The following ZSCAN25 variants were observed in gnomAD, a reference collection of about 807,000 sequenced individuals.
The protein encoded by ZSCAN25 is zinc finger and SCAN domain containing 25, also known as zinc finger and SCAN domain-containing protein 25.
Under a neutral mutation model 38.7 loss-of-function variants are expected in ZSCAN25, and 27 were observed. The ratio of observed to expected loss-of-function variants is 0.70; its 90% confidence interval spans 0.51 to 0.96. The LOEUF (loss-of-function observed/expected upper bound fraction) is 0.96. Among genes scored for constraint, ZSCAN25 ranks in the 40% least tolerant of loss-of-function variants. ZSCAN25 has a pLI of 0.00. For synonymous variants in ZSCAN25, 273 were observed against 277.7 expected, an observed-to-expected ratio of 0.98 and a Z score of 0.17; for missense variants, 637 against 705.9, an observed-to-expected ratio of 0.90 and a Z score of 1.11.
the ZSCAN25 span, among the ~76,000 whole-genome samples, chr7:99,698,674 C>T: frequency 1.1e-4 from 17 of 152,262 alleles, no homozygotes; most frequent in South Asian, 3.5e-3. Flanking sequence ...GCTTTAGACT[C>T]ATATTCCTGA....
chr7:99,717,470 G>C, the ZSCAN25 span: 2 of 1,605,422 alleles, frequency 1.2e-6, no homozygotes, highest in African/African-American at 1.3e-5. Context: ...CTTTCTACCT[G>C]TCCCCACCTG....
chr7:99,638,210 T>C, the ZSCAN25 span: 1 of 1,474,434 alleles, frequency 6.8e-7, no homozygotes, highest in Non-Finnish European at 9.0e-7. Context: ...TTGATTTCTC[T>C]CCTTCCAGGG....
the ZSCAN25 span, among the ~76,000 whole-genome samples, chr7:99,692,839 C>T: frequency 6.6e-6 from 1 of 152,122 alleles, no homozygotes; most frequent in Non-Finnish European, 1.5e-5. Context: ...TGGGTTAGAA[C>T]ATGCTCCTTT....
chr7:99,714,817 T>G, the ZSCAN25 span: 1 of 1,460,378 alleles, frequency 6.8e-7, no homozygotes, highest in Non-Finnish European at 9.1e-7. Flanking sequence ...ATTCCTTCTA[T>G]GACTTTTGCC....
chr7:99,649,103 G>T, the ZSCAN25 span, among the ~76,000 whole-genome samples: 1 of 152,162 alleles, frequency 6.6e-6, no homozygotes, highest in African/African-American at 2.4e-5. Flanking sequence ...AAAGCAAATT[G>T]CCATGGATAC....
At chr7:99,705,734 T>C in the ZSCAN25 span, 31 of 1,019,126 alleles carry the variant, frequency 3.0e-5, no homozygotes, top group Non-Finnish European at 3.0e-5. Context: ...AAATCTTGGA[T>C]TCGTTATACT....
At chr7:99,664,913 T>C in the ZSCAN25 span, among the ~76,000 whole-genome samples, 2 of 152,164 alleles carry the variant, frequency 1.3e-5, no homozygotes, top group Non-Finnish European at 1.5e-5. Context: ...GGCAAATCTA[T>C]AGAGGCAGAA....
the ZSCAN25 span, among the ~76,000 whole-genome samples, chr7:99,664,710 T>A: frequency 6.6e-6 from 1 of 152,276 alleles, no homozygotes; most frequent in African/African-American, 2.4e-5. Flanking sequence ...CTGTAATATC[T>A]AAATTTAAAA....
chr7:99,699,234 A>T, the ZSCAN25 span, among the ~76,000 whole-genome samples: 1 of 152,232 alleles, frequency 6.6e-6, no homozygotes, highest in Non-Finnish European at 1.5e-5. Flanking sequence ...GGGAGGAAAA[A>T]GATTAAAGCA....
intron 6 of ZSCAN25, 146 bp downstream of exon 6, chr7:99,622,786 G>C: frequency 1.4e-6 from 1 of 711,324 alleles, no homozygotes; most frequent in Non-Finnish European, 2.3e-6. Flanking sequence ...CTGATGGTGT[G>C]GTTTCCTCCA....
rs1204727093 is a variant in ZSCAN25 at position 99,624,133 on chromosome 7, A to G, written c.758A>G (p.Asp253Gly). The G allele has an allele frequency of 4.3e-6, 7 of 1,614,040 alleles. No homozygotes were observed. Among genetic ancestry groups the G allele is most frequent in the Non-Finnish European group, 5.9e-6 (7 of 1,179,980 alleles). Residue 253 changes from aspartate to glycine, a missense_variant, in exon 7 of 8, where the codon GAC (aspartate) becomes GGC (glycine). Coordinates refer to ENST00000394152, the MANE Select transcript of ZSCAN25 (RefSeq NM_145115.3). ...AGGCATGTGACCCCAGCCCAGATAGACTGCTTTGGGGAGTATGTGGAACCG... is the reference window on the plus strand; with the variant it reads ...AGGCATGTGACCCCAGCCCAGATAGGCTGCTTTGGGGAGTATGTGGAACCG... The part of the protein sequence containing the change: ...EWRHVTPAQI[D>G]CFGEYVEPQD...
At chr7:99,640,158 C>T in the ZSCAN25 span, among the ~76,000 whole-genome samples, 1 of 152,190 alleles carries the variant, frequency 6.6e-6, no homozygotes, top group Non-Finnish European at 1.5e-5. Flanking sequence ...AAATCTATTT[C>T]TCCTTTATTG....
At chr7:99,636,046 C>CAAAAAA (rs780898445), downstream of ZSCAN25, among the ~76,000 whole-genome samples, 7 of 43,370 alleles carry the variant, frequency 1.6e-4, no homozygotes, top group Middle Eastern at 9.8e-3. Flanking sequence ...GACTCCATCT[C>CAAAAAA]AAAAAAAAAA....
chr7:99,723,251 G>A, the ZSCAN25 span, among the ~76,000 whole-genome samples: 16 of 152,072 alleles, frequency 1.1e-4, no homozygotes, highest in Non-Finnish European at 1.5e-5. Flanking sequence ...TTAACTGATT[G>A]ACCAACCTTA....
chr7:99,680,084 C>T, the ZSCAN25 span: 1 of 594,878 alleles, frequency 1.7e-6, no homozygotes, highest in Non-Finnish European at 3.0e-6. Context: ...TCGCACACAC[C>T]CCTTTGCTGA....
intron 7 of ZSCAN25, among the ~76,000 whole-genome samples, chr7:99,628,259 A>T (rs1807668504): frequency 6.6e-6 from 1 of 152,268 alleles, no homozygotes; most frequent in African/African-American, 2.4e-5. Context: ...TATTTTATCA[A>T]ACCAGGAGGC....
At chr7:99,728,764 AG>A in the ZSCAN25 span, among the ~76,000 whole-genome samples, 2 of 152,222 alleles carry the variant, frequency 1.3e-5, no homozygotes, top group African/African-American at 2.4e-5. Context: ...TTGTAGGGTT[AG>A]GACTTTCTGC....
chr7:99,629,866 G>A lies in ZSCAN25; in HGVS notation c.1481G>A (p.Arg494Gln), dbSNP rs752071323. Residue 494 changes from arginine to glutamine, a missense_variant, in exon 8 of 8, where the codon CGG (arginine) becomes CAG (glutamine). Physicochemically the swap from Arg to Gln is conservative, Grantham distance 43. Transcript: ENST00000394152. This position sits in a 1 kb window ranked among gnomAD's most constrained non-coding sequence, Gnocchi z 5.6. ...KPYGCQVCGK[R>Q]FSKGERLVRH... is the part of the protein sequence containing the mutation. ...TATGGGTGCCAGGTGTGCGGGAAGCGGTTCAGCAAAGGGGAGCGGCTGGTC... is the reference window on the plus strand; with the variant it reads ...TATGGGTGCCAGGTGTGCGGGAAGCAGTTCAGCAAAGGGGAGCGGCTGGTC... 19 of 1,614,138 alleles carry A rather than the reference G, an allele frequency of 1.2e-5. No homozygotes were observed. The highest frequency in any genetic ancestry group is 1.4e-5 in the Non-Finnish European group (17 of 1,180,058).
At chr7:99,728,189 C>T in the ZSCAN25 span, among the ~76,000 whole-genome samples, 1 of 152,194 alleles carries the variant, frequency 6.6e-6, no homozygotes, top group Non-Finnish European at 1.5e-5. Flanking sequence ...CTTCCAGTCT[C>T]ACAGGCCCAT....
Sources: allele counts gnomAD v4.1 joint callset (sites outside exome capture counted in the v4.1 genomes callset), GRCh38; gene constraint gnomAD v4.1.1; non-coding constraint Gnocchi (gnomAD v3.1); transcripts MANE v1.5; gene names NCBI Gene and HGNC (gene_info 2026-07-23, HGNC 2026-07-21).